The following ABHD2 variants were observed in gnomAD, a reference collection of about 807,000 sequenced individuals.
ABHD2 encodes the protein monoacylglycerol lipase ABHD2.
A neutral mutation model predicts 48.1 loss-of-function variants in ABHD2; 20 were observed. The observed-to-expected ratio is 0.42, with a 90% CI of 0.29 to 0.60. The LOEUF (loss-of-function observed/expected upper bound fraction) is 0.60. ABHD2 is among the 20% of genes least tolerant of loss of function. The pLI is 0.24. For synonymous variants in ABHD2, 209 were observed against 214.2 expected, an observed-to-expected ratio of 0.98 and a Z score of 0.21; for missense variants, 405 against 550.9, an observed-to-expected ratio of 0.74 and a Z score of 2.65.
rs532665092 is a variant in ABHD2, at chr15:89,182,145, C to T, written c.723-3279C>T. ...ATGGATTATTCTCAAAAAAGACTCC[C>T]AGTGAAACTATACTGGGTTTGGGGG... On this transcript the variant is annotated intron_variant, in intron 6 of 10. Coordinates refer to ENST00000352732, the MANE Select transcript of ABHD2 (RefSeq NM_152924.5). This position sits in a 1 kb window ranked among gnomAD's most constrained non-coding sequence, Gnocchi z 4.8. 7.2e-5 allele frequency among the ~76,000 whole-genome samples: 11 copies of T among 152,328 alleles called. 1 individual carries two copies. In the South Asian group the frequency reaches 1.4e-3, roughly 20 times the overall value.
At chr15:89,043,923 TTTA>T in the ABHD2 span, among the ~76,000 whole-genome samples, 25 of 152,178 alleles carry the variant, frequency 1.6e-4, no homozygotes, top group East Asian at 1.2e-3. Context: ...ATTATTATAC[TTTA>T]AGTTTTAGGG....
chr15:89,129,381 G>A (rs1422980860), intron 3 of ABHD2, among the ~76,000 whole-genome samples: 2 of 152,114 alleles, frequency 1.3e-5, no homozygotes, highest in Non-Finnish European at 2.9e-5. Flanking sequence ...GAAGAATGAG[G>A]GCTGACCAAA....
Position 89,195,156 on chromosome 15 carries a change from C to G in ABHD2, c.1082-71C>G. The stretch of plus-strand genomic sequence containing the variant: ...GGGACAGCCAGGCTACCCTAGCCAG[C>G]TCACCTCTGCACCTCCTGTCCTGGA... On this transcript the variant is annotated intron_variant, in intron 10 of 10. Coordinates refer to ENST00000352732, the MANE Select transcript of ABHD2 (RefSeq NM_152924.5). The surrounding 1 kb of genome is among the most constrained non-coding windows in gnomAD (Gnocchi z 5.1). 1 of 1,539,852 alleles carries G rather than the reference C, an allele frequency of 6.5e-7. No homozygotes were observed.
chr15:89,122,099 G>C (rs939661655), intron 3 of ABHD2, among the ~76,000 whole-genome samples: 2 of 152,094 alleles, frequency 1.3e-5, no homozygotes, highest in African/African-American at 4.8e-5. Context: ...CAAAGCGCTG[G>C]GATTTCAGGT....
the ABHD2 span, among the ~76,000 whole-genome samples, chr15:89,079,298 C>T: frequency 6.6e-6 from 1 of 152,268 alleles, no homozygotes; most frequent in Non-Finnish European, 1.5e-5. The surrounding 1 kb of genome is among the most constrained non-coding windows in gnomAD (Gnocchi z 4.3). Flanking sequence ...CATTGCTTAC[C>T]CTTCCTTCTT....
chr15:89,123,282 C>T (rs200514741), intron 3 of ABHD2, among the ~76,000 whole-genome samples: 12 of 152,270 alleles, frequency 7.9e-5, no homozygotes, highest in African/African-American at 1.9e-4. Flanking sequence ...GATTCATCTC[C>T]GGTGGTTTTC....
At chr15:89,062,190 C>G in the ABHD2 span, among the ~76,000 whole-genome samples, 1 of 152,084 alleles carries the variant, frequency 6.6e-6, no homozygotes, top group Non-Finnish European at 1.5e-5. Flanking sequence ...TGGCTAGGGT[C>G]CTGAGGCTAT....
At chr15:89,072,412 G>C in the ABHD2 span, among the ~76,000 whole-genome samples, 3 of 151,876 alleles carry the variant, frequency 2.0e-5, no homozygotes, top group South Asian at 6.2e-4. Context: ...GGAGGCAGAA[G>C]TTGCAGTTAG....
In ABHD2 at chr15:89,188,883, T is replaced by TAAA. The variant is rs34046140; in HGVS notation, c.926+593_926+595dup. Among the ~76,000 whole-genome samples, 2 of 135,574 alleles carry TAAA rather than the reference T, an allele frequency of 1.5e-5. No homozygotes were observed. The allele number at this position is 135,574 out of a possible 152,430, so 88.9% of individuals were successfully genotyped here. A position where few individuals can be genotyped will look rare whatever the true frequency, so the allele number is the denominator to read the frequency against. ...GACACAGCAAGACCCTTCTCAAAAT[T>TAAA]AAAAAAAAAAAAAAAGAAGTAGAAA... On this transcript the variant is annotated intron_variant, in intron 8 of 10. Coordinates refer to ENST00000352732, the MANE Select transcript of ABHD2 (RefSeq NM_152924.5). This position sits in a 1 kb window ranked among gnomAD's most constrained non-coding sequence, Gnocchi z 4.1.
At chr15:89,161,692 C>T (rs2050764783) in intron 5 of ABHD2, among the ~76,000 whole-genome samples, 1 of 152,218 alleles carries the variant, frequency 6.6e-6, no homozygotes, top group Non-Finnish European at 1.5e-5. Flanking sequence ...TGAGCCACTG[C>T]ACCCAGCTTC....
chr15:89,107,910 C>T (rs2049812208), intron 1 of ABHD2, among the ~76,000 whole-genome samples: 1 of 152,194 alleles, frequency 6.6e-6, no homozygotes, highest in Non-Finnish European at 1.5e-5. Context: ...AGCTCTCTCA[C>T]TTTGCTGATA....
chr15:89,162,540 AC>A (rs1346707634), intron 5 of ABHD2, among the ~76,000 whole-genome samples: 1 of 151,902 alleles, frequency 6.6e-6, no homozygotes, highest in Non-Finnish European at 1.5e-5. Flanking sequence ...CAGGCACTGA[AC>A]TCCAGTGCCT....
the ABHD2 span, among the ~76,000 whole-genome samples, chr15:89,066,569 A>G: frequency 6.6e-6 from 1 of 152,138 alleles, no homozygotes; most frequent in Non-Finnish European, 1.5e-5. Flanking sequence ...GGGGGACACA[A>G]TTCAACCCAA....
chr15:89,156,829 A>G (rs1458342332), intron 5 of ABHD2, among the ~76,000 whole-genome samples: 1 of 152,228 alleles, frequency 6.6e-6, no homozygotes, highest in African/African-American at 2.4e-5. Flanking sequence ...TAAACAATAA[A>G]CACATAAAAT....
In ABHD2 at chr15:89,100,284, AT is replaced by A. The variant is rs57813229; in HGVS notation, c.-107+11738del. On this transcript the variant is annotated intron_variant, in intron 1 of 10. Transcript: ENST00000352732. This position sits in a 1 kb window ranked among gnomAD's most constrained non-coding sequence, Gnocchi z 4.4. ...CTCCCAAGTTCACATTGTGTTGTTA[AT>A]TTTTTTTTTTTTTTTTAAGAGACAG... Among the ~76,000 whole-genome samples, 993 of 140,796 alleles carry A rather than the reference AT, an allele frequency of 7.1e-3. No homozygotes were observed. The highest frequency in any genetic ancestry group is 0.015 in the Middle Eastern group (4 of 266). 92.4% of individuals were successfully genotyped at this position (140,796 alleles called of 152,430 possible). A position where few individuals can be genotyped will look rare whatever the true frequency, so the allele number is the denominator to read the frequency against.
At chr15:89,190,955 C>A in intron 8 of ABHD2, 125 bp from the exon 9 acceptor site, 1 of 820,206 alleles carries the variant, frequency 1.2e-6, no homozygotes, top group Non-Finnish European at 1.9e-6. Flanking sequence ...TAGCTCCTGC[C>A]TCTGTCTACT....
At position 89,119,997 on chromosome 15, in the gene ABHD2, T is replaced by C. The variant is rs551617195; in HGVS notation, c.194+3476T>C. 2.0e-5 allele frequency among the ~76,000 whole-genome samples: 3 copies of C among 152,350 alleles called. No homozygotes were observed. In the South Asian group the frequency reaches 6.2e-4, roughly 32 times the overall value. The stretch of plus-strand genomic sequence containing the variant: ...CTGATTTACAACAAGCTGTGAATAT[T>C]AGTCAGTAATCCTGACCGCGGGTAG... On this transcript the variant is annotated intron_variant, in intron 3 of 10. Transcript: ENST00000352732.
intron 3 of ABHD2, among the ~76,000 whole-genome samples, chr15:89,132,089 G>A (rs1420926580): frequency 6.6e-6 from 1 of 152,156 alleles, no homozygotes; most frequent in Non-Finnish European, 1.5e-5. Context: ...AATATGTAAA[G>A]ATGTTTTGCT....
chr15:89,048,202 T>C, the ABHD2 span, among the ~76,000 whole-genome samples: 1 of 151,374 alleles, frequency 6.6e-6, no homozygotes, highest in African/African-American at 2.4e-5. Context: ...AAAATTCTTT[T>C]CTTTAAGAAT....
Sources: allele counts gnomAD v4.1 joint callset (sites outside exome capture counted in the v4.1 genomes callset), GRCh38; gene constraint gnomAD v4.1.1; non-coding constraint Gnocchi (gnomAD v3.1); transcripts MANE v1.5; gene names NCBI Gene and HGNC (gene_info 2026-07-23, HGNC 2026-07-21).